Variants in SHROOM3 observed in about 807,000 individuals in gnomAD.
The protein encoded by SHROOM3 is protein Shroom3.
SHROOM3 carries 47 observed loss-of-function variants against 138.6 expected under a neutral mutation model. The observed-to-expected ratio is 0.34, with a 90% CI of 0.27 to 0.43. The LOEUF is 0.43. Ranked by LOEUF, SHROOM3 falls within the 20% of genes least tolerant of loss-of-function variation. The probability of loss-of-function intolerance (pLI) is 1.00; values close to 1 mark genes in which losing one functional copy is unlikely to be tolerated. For missense variants in SHROOM3, 2,491 were observed against 2,596.5 expected (o/e 0.96, Z 0.88); for synonymous variants, 1,062 against 1,063.3 (o/e 1.00, Z 0.02).
At chr4:76,475,702 G>A (rs1419226821) in intron 1 of SHROOM3, among the ~76,000 whole-genome samples, 3 of 152,118 alleles carry the variant, frequency 2.0e-5, no homozygotes, top group Non-Finnish European at 4.4e-5. Context: ...TGGCTCTTTG[G>A]ATTGAAAACC....
chr4:76,516,912 A>G (rs1732455264), intron 1 of SHROOM3, among the ~76,000 whole-genome samples: 1 of 152,120 alleles, frequency 6.6e-6, no homozygotes, highest in Non-Finnish European at 1.5e-5. Context: ...CTTCCATCAT[A>G]CCCAGATTTT....
chr4:76,484,596 CAAACAAACAAACAAAA>C (rs386676258), intron 1 of SHROOM3, among the ~76,000 whole-genome samples: 51 of 147,956 alleles, frequency 3.4e-4, no homozygotes, highest in African/African-American at 1.0e-3. Flanking sequence ...AACAAACAAA[CAAACAAACAAACAAAA>C]AGTCTTAGGA....
At chr4:76,437,189 T>C (rs1223158824) in intron 1 of SHROOM3, among the ~76,000 whole-genome samples, 1 of 152,202 alleles carries the variant, frequency 6.6e-6, no homozygotes, top group East Asian at 1.9e-4. Context: ...GGTTTCACAG[T>C]GATAAGCCAC....
intron 10 of SHROOM3, among the ~76,000 whole-genome samples, chr4:76,776,002 T>C (rs537868215): frequency 3.3e-5 from 5 of 152,232 alleles, no homozygotes; most frequent in South Asian, 2.1e-4. Context: ...AGTAGTGGGA[T>C]TGCAGGATCA....
chr4:76,480,951 T>G (rs1731595743), intron 1 of SHROOM3, among the ~76,000 whole-genome samples: 1 of 152,040 alleles, frequency 6.6e-6, no homozygotes, highest in Non-Finnish European at 1.5e-5. Context: ...AAAGATACAA[T>G]GTACCAGAAT....
At chr4:76,608,610 CATTGG>C (rs1560563208) in intron 2 of SHROOM3, among the ~76,000 whole-genome samples, 4 of 91,388 alleles carry the variant, frequency 4.4e-5, no homozygotes, top group Non-Finnish European at 7.2e-5. Flanking sequence ...CATAGCATAG[CATTGG>C]ACAGAGATGG....
intron 1 of SHROOM3, among the ~76,000 whole-genome samples, chr4:76,438,780 A>G (rs1434093532): frequency 6.6e-6 from 1 of 151,904 alleles, no homozygotes; most frequent in Admixed American, 6.6e-5. Flanking sequence ...CATCTAAATC[A>G]GAGCCTAGGT....
Position 76,710,218 on chromosome 4 carries a change from A to T in SHROOM3, c.386A>T (p.His129Leu), listed in dbSNP as rs1469754940. ...GCCTCTAACTTCGTCAGCCCAGAAC[A>T]CCTCACCTCTGGCCCCCAGCACAGG... ...TGASNFVSPE[H>L]LTSGPQHRKA... The change falls in exon 3 of 11, where the codon CAC (histidine) becomes CTC (leucine). Residue 129 changes from histidine to leucine, a missense_variant. Coordinates refer to ENST00000296043, the MANE Select transcript of SHROOM3 (RefSeq NM_020859.4). 2 of 1,614,042 alleles carry T rather than the reference A, an allele frequency of 1.2e-6. No homozygotes were observed. The highest frequency in any genetic ancestry group is 2.2e-5 in the South Asian group (2 of 91,076).
chr4:76,623,753 G>C (rs1384778996), intron 2 of SHROOM3, among the ~76,000 whole-genome samples: 3 of 151,984 alleles, frequency 2.0e-5, no homozygotes, highest in African/African-American at 7.3e-5. Flanking sequence ...ATTTAGCTTT[G>C]GATTTGCACA....
intron 2 of SHROOM3, among the ~76,000 whole-genome samples, chr4:76,571,612 C>A (rs1733833944): frequency 6.6e-6 from 1 of 152,156 alleles, no homozygotes; most frequent in Non-Finnish European, 1.5e-5. Flanking sequence ...GACATGAACA[C>A]AAGCTCATCA....
chr4:76,776,248 A>C (rs1722565440), intron 10 of SHROOM3, among the ~76,000 whole-genome samples: 1 of 152,108 alleles, frequency 6.6e-6, no homozygotes, highest in East Asian at 1.9e-4. Flanking sequence ...TTTGTTGACC[A>C]TTTGTCCATC....
chr4:76,769,159 T>C (rs1417827223), intron 9 of SHROOM3, among the ~76,000 whole-genome samples: 3 of 151,526 alleles, frequency 2.0e-5, no homozygotes, highest in Admixed American at 6.6e-5. Flanking sequence ...ACTTCCAACA[T>C]AGAAGTTGTA....
chr4:76,504,563 A>G (rs947948721), intron 1 of SHROOM3, among the ~76,000 whole-genome samples: 1 of 152,238 alleles, frequency 6.6e-6, no homozygotes, highest in Non-Finnish European at 1.5e-5. Context: ...GCTATTTTCC[A>G]AATATAAATT....
Position 76,779,431 on chromosome 4 carries a change from A to G in SHROOM3, c.*254A>G. ...TTGTAGTAGAAAGAAAGTTAATGAA[A>G]CTGAGAACTGATTGGAGGGTGTTTG... On this transcript the variant is annotated 3_prime_UTR_variant, in exon 11 of 11. Coordinates refer to ENST00000296043, the MANE Select transcript of SHROOM3 (RefSeq NM_020859.4). 1 of 439,530 alleles carries G rather than the reference A, an allele frequency of 2.3e-6. No individual in the cohort carries two copies. Among genetic ancestry groups the G allele is most frequent in the Non-Finnish European group, 4.1e-6 (1 of 246,542 alleles). 27.2% of individuals were successfully genotyped at this position (439,530 alleles called of 1,614,324 possible).
intron 9 of SHROOM3, among the ~76,000 whole-genome samples, chr4:76,762,475 G>A (rs1057398641): frequency 3.9e-4 from 60 of 152,298 alleles, no homozygotes; most frequent in African/African-American, 6.7e-4. Context: ...ACAGCACCAG[G>A]GGGATGATAC....
chr4:76,560,796 AC>A (rs1276445030), intron 2 of SHROOM3, among the ~76,000 whole-genome samples: 1 of 152,218 alleles, frequency 6.6e-6, no homozygotes, highest in Non-Finnish European at 1.5e-5. Flanking sequence ...GGTGTCCAGC[AC>A]TACCAGATTT....
At chr4:76,567,908 A>C (rs1195074604) in intron 2 of SHROOM3, among the ~76,000 whole-genome samples, 1 of 151,092 alleles carries the variant, frequency 6.6e-6, no homozygotes, top group African/African-American at 2.4e-5. Context: ...TTTTTTTTTA[A>C]CTAAATTAAA....
In SHROOM3 at chr4:76,740,609, C is replaced by A; in HGVS notation, c.2436C>A (p.His812Gln). ...GSGFGHNYRP[H>Q]RTVSTSSTSG... Reference sequence around the variant, plus strand: ...GTTTTGGCCATAACTATAGGCCCCACAGGACCGTCTCAACTTCCAGTACTT... The same window carrying A: ...GTTTTGGCCATAACTATAGGCCCCAAAGGACCGTCTCAACTTCCAGTACTT... The change falls in exon 5 of 11, where the codon CAC (histidine) becomes CAA (glutamine). Residue 812 changes from histidine to glutamine, a missense_variant. Transcript: ENST00000296043. This position sits in a 1 kb window ranked among gnomAD's most constrained non-coding sequence, Gnocchi z 4.0. The A allele has an allele frequency of 1.2e-6, 2 of 1,614,204 alleles. No homozygotes were observed. The highest frequency in any genetic ancestry group is 1.7e-6 in the Non-Finnish European group (2 of 1,180,034).
intron 2 of SHROOM3, among the ~76,000 whole-genome samples, chr4:76,568,637 G>A (rs1251316819): frequency 6.6e-6 from 1 of 152,096 alleles, no homozygotes; most frequent in Non-Finnish European, 1.5e-5. Flanking sequence ...CCCTTGTTCG[G>A]GAGTGAGGTC....
Sources: gnomAD v4.1 joint callset for allele counts (sites outside exome capture counted in the v4.1 genomes callset) on GRCh38, gnomAD v4.1.1 for gene constraint, Gnocchi (gnomAD v3.1) non-coding constraint, MANE v1.5 for transcripts, NCBI Gene and HGNC (gene_info 2026-07-23, HGNC 2026-07-21) for gene names.